PELI2: variants seen among roughly 807,000 people sequenced by gnomAD.
The protein encoded by PELI2 is E3 ubiquitin-protein ligase pellino homolog 2.
PELI2 carries 23 observed loss-of-function variants against 42.3 expected under a neutral mutation model. The ratio of observed to expected loss-of-function variants is 0.54; its 90% CI spans 0.39 to 0.77. PELI2 has a LOEUF of 0.77. Ranked by LOEUF, PELI2 falls within the 30% of genes least tolerant of loss-of-function variation. The pLI, the probability that PELI2 is intolerant of heterozygous loss-of-function variation, is 0.00. For synonymous variants in PELI2, 245 were observed against 212.2 expected (o/e 1.15, Z -1.34); for missense variants, 463 against 553.2 (o/e 0.84, Z 1.64).
At chr14:56,267,183 C>A (rs548942863) in intron 2 of PELI2, among the ~76,000 whole-genome samples, 44 of 152,010 alleles carry the variant, frequency 2.9e-4, no homozygotes, top group Non-Finnish European at 6.0e-4. Flanking sequence ...GTCAAGAACC[C>A]GAGGGACCCC....
intron 1 of PELI2, among the ~76,000 whole-genome samples, chr14:56,172,293 G>T (rs1046630222): frequency 1.3e-5 from 2 of 152,190 alleles, no homozygotes; most frequent in Non-Finnish European, 2.9e-5. Context: ...GGAAGGGTGG[G>T]CTCTGCTGGG....
intron 1 of PELI2, among the ~76,000 whole-genome samples, chr14:56,157,291 G>T (rs563176288): frequency 6.6e-6 from 1 of 152,276 alleles, no homozygotes; most frequent in African/African-American, 2.4e-5. Flanking sequence ...TGTACTTCTA[G>T]AGAGTGCTTC....
intron 1 of PELI2, among the ~76,000 whole-genome samples, chr14:56,157,746 A>C (rs1193949625): frequency 2.6e-5 from 4 of 152,220 alleles, no homozygotes; most frequent in African/African-American, 9.6e-5. Flanking sequence ...AAGCATATTC[A>C]AAAAGTTTAA....
At chr14:56,238,635 T>C (rs919236708) in intron 2 of PELI2, among the ~76,000 whole-genome samples, 1 of 152,178 alleles carries the variant, frequency 6.6e-6, no homozygotes, top group African/African-American at 2.4e-5. Context: ...AGACTTACTG[T>C]GATTTTATTT....
At chr14:56,235,480 T>TG (rs898764569) in intron 2 of PELI2, among the ~76,000 whole-genome samples, 2 of 152,206 alleles carry the variant, frequency 1.3e-5, no homozygotes, top group Non-Finnish European at 2.9e-5. Flanking sequence ...CGCTAACGGG[T>TG]GGCATCTTTC....
At chr14:56,173,446 CTA>C (rs1885252477) in intron 1 of PELI2, among the ~76,000 whole-genome samples, 1 of 151,832 alleles carries the variant, frequency 6.6e-6, no homozygotes, top group Non-Finnish European at 1.5e-5. Flanking sequence ...GAAAACAACT[CTA>C]AAATTTTTCT....
intron 1 of PELI2, among the ~76,000 whole-genome samples, chr14:56,123,618 T>C (rs542728992): frequency 6.6e-6 from 1 of 152,346 alleles, no homozygotes; most frequent in African/African-American, 2.4e-5. Context: ...TCAGATTTAT[T>C]TATTTCTCTC....
At chr14:56,232,822 C>T (rs1258347759) in intron 2 of PELI2, among the ~76,000 whole-genome samples, 1 of 148,926 alleles carries the variant, frequency 6.7e-6, no homozygotes, top group Non-Finnish European at 1.5e-5. Flanking sequence ...TCAAATTGTC[C>T]CTGTTTGCAG....
chr14:56,212,656 G>T (rs933679462), intron 2 of PELI2, among the ~76,000 whole-genome samples: 2 of 152,254 alleles, frequency 1.3e-5, no homozygotes, highest in Admixed American at 6.5e-5. Flanking sequence ...AGTCCTGCCT[G>T]TGGCAGCTGC....
chr14:56,189,084 G>A (rs1021296728), intron 2 of PELI2, among the ~76,000 whole-genome samples: 7 of 152,134 alleles, frequency 4.6e-5, no homozygotes, highest in African/African-American at 1.2e-4. Context: ...GCTTGATCCC[G>A]GGTTGTGGAG....
intron 2 of PELI2, among the ~76,000 whole-genome samples, chr14:56,207,813 A>G (rs1886574062): frequency 6.6e-6 from 1 of 152,204 alleles, no homozygotes. Context: ...GTTCACCAGC[A>G]GAGAGCAGGA....
intron 2 of PELI2, among the ~76,000 whole-genome samples, chr14:56,246,780 G>T (rs577657423): frequency 6.6e-6 from 1 of 152,128 alleles, no homozygotes. Context: ...AAGTAGCAGC[G>T]CTGTGTCTCC....
At position 56,142,080 on chromosome 14, in the gene PELI2, A is replaced by G. The variant is rs144370297; in HGVS notation, c.77+23343A>G. Among the ~76,000 whole-genome samples, 367 of 152,274 alleles carry G rather than the reference A, an allele frequency of 2.4e-3. 1 individual carries two copies. Among genetic ancestry groups the G allele is most frequent in the African/African-American group, 8.6e-3 (358 of 41,534 alleles). On this transcript the variant is annotated intron_variant, in intron 1 of 5. Coordinates refer to ENST00000267460, the MANE Select transcript of PELI2 (RefSeq NM_021255.3). ...TCTGCCTATCCCCCTTGGAAATAAG[A>G]CGTCACTGTGGGCTCATAACTTCAG...
intron 2 of PELI2, among the ~76,000 whole-genome samples, chr14:56,267,741 A>C (rs536562173): frequency 6.6e-6 from 1 of 152,320 alleles, no homozygotes; most frequent in South Asian, 2.1e-4. Flanking sequence ...CCAAGTCTTA[A>C]AAAAATTCAA....
intron 1 of PELI2, among the ~76,000 whole-genome samples, chr14:56,138,859 A>T (rs1883787927): frequency 6.6e-6 from 1 of 152,204 alleles, no homozygotes; most frequent in Non-Finnish European, 1.5e-5. Flanking sequence ...TCAGGTTGAA[A>T]CAATGATTTC....
At chr14:56,151,197 G>A (rs1884338263) in intron 1 of PELI2, among the ~76,000 whole-genome samples, 1 of 152,216 alleles carries the variant, frequency 6.6e-6, no homozygotes, top group East Asian at 1.9e-4. Flanking sequence ...AGTTGCAGGG[G>A]TTTAATGCCA....
intron 1 of PELI2, among the ~76,000 whole-genome samples, chr14:56,173,406 T>C (rs1001564659): frequency 2.6e-5 from 4 of 152,098 alleles, no homozygotes; most frequent in East Asian, 1.9e-4. Flanking sequence ...TTTTTTTTTT[T>C]CCAGGTGATT....
At chr14:56,157,159 G>A (rs1884597912) in intron 1 of PELI2, among the ~76,000 whole-genome samples, 1 of 152,142 alleles carries the variant, frequency 6.6e-6, no homozygotes, top group South Asian at 2.1e-4. Flanking sequence ...TAACTTCTAG[G>A]TAATATACTT....
chr14:56,259,979 G>A (rs543904152), intron 2 of PELI2, among the ~76,000 whole-genome samples: 70 of 152,096 alleles, frequency 4.6e-4, no homozygotes, highest in African/African-American at 1.6e-3. Flanking sequence ...TAAATAAAAT[G>A]GAGAGACGAA....
Sources: allele counts gnomAD v4.1 joint callset (sites outside exome capture counted in the v4.1 genomes callset), GRCh38; gene constraint gnomAD v4.1.1; transcripts MANE v1.5; gene names NCBI Gene and HGNC (gene_info 2026-07-23, HGNC 2026-07-21).